The following BNC2 variants were observed in gnomAD, a reference collection of about 807,000 sequenced individuals.
BNC2 encodes the protein zinc finger protein basonuclin-2.
BNC2 carries 20 observed loss-of-function variants against 76.3 expected under a neutral mutation model. The observed-to-expected ratio is 0.26, with a 90% CI of 0.18 to 0.38. BNC2 has a LOEUF of 0.38. Ranked by LOEUF, BNC2 falls within the 10% of genes least tolerant of loss-of-function variation. The probability of loss-of-function intolerance (pLI) is 1.00; values close to 1 mark genes in which losing one functional copy is unlikely to be tolerated. For missense variants in BNC2, 1,382 were observed against 1,399.8 expected, an observed-to-expected ratio of 0.99 and a Z score of 0.20; for synonymous variants, 582 against 514.8, an observed-to-expected ratio of 1.13 and a Z score of -1.77.
chr9:16,560,569 G>A (rs1203369814), intron 4 of BNC2, among the ~76,000 whole-genome samples: 4 of 151,770 alleles, frequency 2.6e-5, no homozygotes, highest in East Asian at 1.9e-4. Context: ...AAAAATTAAC[G>A]AGCCAGGCAA....
At chr9:16,774,161 T>C (rs895253568) in intron 1 of BNC2, among the ~76,000 whole-genome samples, 5 of 152,128 alleles carry the variant, frequency 3.3e-5, no homozygotes. Flanking sequence ...TTTTTATTTT[T>C]AGTAGAGACA....
chr9:16,657,820 A>C (rs1208208188), intron 3 of BNC2, among the ~76,000 whole-genome samples: 3 of 152,206 alleles, frequency 2.0e-5, no homozygotes, highest in Non-Finnish European at 4.4e-5. Context: ...TATATATCAT[A>C]CTATGATGTC....
chr9:16,676,704 T>C (rs1822653771), intron 3 of BNC2, among the ~76,000 whole-genome samples: 1 of 152,198 alleles, frequency 6.6e-6, no homozygotes, highest in African/African-American at 2.4e-5. Flanking sequence ...CCTAAGCAGA[T>C]GCTAAGTTAA....
At chr9:16,651,209 T>C (rs2133949169) in intron 3 of BNC2, among the ~76,000 whole-genome samples, 1 of 152,334 alleles carries the variant, frequency 6.6e-6, no homozygotes, top group South Asian at 2.1e-4. Flanking sequence ...TATCTACCTG[T>C]TCCTTTTCCA....
At chr9:16,501,623 A>G (rs1256116082) in intron 5 of BNC2, among the ~76,000 whole-genome samples, 1 of 152,202 alleles carries the variant, frequency 6.6e-6, no homozygotes, top group East Asian at 1.9e-4. Context: ...TGCATAACAT[A>G]GAGTATTTCT....
intron 3 of BNC2, among the ~76,000 whole-genome samples, chr9:16,593,531 CGT>C (rs60449137): frequency 1.7e-4 from 26 of 150,826 alleles, no homozygotes; most frequent in Admixed American, 3.3e-4. Context: ...CTTTGGAGTG[CGT>C]GTGTGTGTGT....
chr9:16,576,256 AGTT>A lies in BNC2; in HGVS notation c.433+6724_433+6726del, dbSNP rs1563847002. Among the ~76,000 whole-genome samples the A allele has an allele frequency of 2.0e-5, 3 of 152,346 alleles. No individual in the cohort carries two copies. The South Asian group carries it at 6.2e-4, about 32-fold the overall frequency. On this transcript the variant is annotated intron_variant, in intron 4 of 6. Transcript: ENST00000380672. ...TATCTCCCTTTGTCAGACGAAACTT[AGTT>A]GTTTTTTAGTCTCCTCTCTTTATCT...
At chr9:16,668,871 G>A (rs529770357) in intron 3 of BNC2, among the ~76,000 whole-genome samples, 13 of 152,246 alleles carry the variant, frequency 8.5e-5, no homozygotes, top group South Asian at 6.2e-4. Flanking sequence ...TTCAGAGCAC[G>A]TCTCTCCCAG....
intron 3 of BNC2, among the ~76,000 whole-genome samples, chr9:16,669,139 G>T (rs991558743): frequency 3.3e-5 from 5 of 152,150 alleles, no homozygotes; most frequent in African/African-American, 4.8e-5. Flanking sequence ...ACATATTTTG[G>T]TTATAATGTA....
In BNC2 at chr9:16,843,423, C is replaced by T. The variant is rs141960084; in HGVS notation, c.3+27223G>A. On this transcript the variant is annotated intron_variant, in intron 1 of 6. Transcript: ENST00000380672. ...TCAGCTTACTGCAAGCTCCGCCTCC[C>T]GGGCTCAAGCCTCAGCCTCCACTGC... Among the ~76,000 whole-genome samples, 112 of 152,356 alleles carry T rather than the reference C, an allele frequency of 7.4e-4. 1 individual carries two copies. The highest frequency in any genetic ancestry group is 2.1e-3 in the African/African-American group (89 of 41,594).
intron 3 of BNC2, among the ~76,000 whole-genome samples, chr9:16,693,895 T>C (rs1012289713): frequency 2.6e-5 from 4 of 152,220 alleles, no homozygotes; most frequent in Non-Finnish European, 5.9e-5. Context: ...CACTTTAAAA[T>C]GATCCAGGTC....
rs1262378732 is a variant in BNC2, at chr9:16,418,469, G to A, written c.*520C>T. On this transcript the variant is annotated 3_prime_UTR_variant, in exon 7 of 7. Transcript: ENST00000380672. Reference sequence around the variant, plus strand: ...GCCCCTCAAGGCTAAATATTTACAGGTGAATCTGCCATGCTTTAATTGAAG... The same window carrying A: ...GCCCCTCAAGGCTAAATATTTACAGATGAATCTGCCATGCTTTAATTGAAG... 6.5e-6 allele frequency: 1 copy of A among 154,034 alleles called. No individual in the cohort carries two copies. The highest frequency in any genetic ancestry group is 6.5e-5 in the Admixed American group (1 of 15,474). 9.5% of individuals were successfully genotyped at this position (154,034 alleles called of 1,614,324 possible).
chr9:16,785,381 A>T (rs552513424), intron 1 of BNC2, among the ~76,000 whole-genome samples: 1 of 152,160 alleles, frequency 6.6e-6, no homozygotes, highest in East Asian at 1.9e-4. Context: ...AAGGTGATGG[A>T]AATTCTTGCT....
Position 16,822,152 on chromosome 9 carries a change from T to C in BNC2, c.3+48494A>G, listed in dbSNP as rs1313126933. Among the ~76,000 whole-genome samples, 6 of 144,036 alleles carry C rather than the reference T, an allele frequency of 4.2e-5. No homozygotes were observed. The South Asian group carries it at 1.2e-3, about 29-fold the overall frequency. The allele number at this position is 144,036 out of a possible 152,430, so 94.5% of individuals were successfully genotyped here. A position where few individuals can be genotyped will look rare whatever the true frequency, so the allele number is the denominator to read the frequency against. ...GTAGTGACATGCCCGTAATCCCAGC[T>C]ACTCAGGAAGCTGAGGCAGGAGAAT... is the stretch of plus-strand genomic sequence containing the variant. On this transcript the variant is annotated intron_variant, in intron 1 of 6. Coordinates refer to ENST00000380672, the MANE Select transcript of BNC2 (RefSeq NM_017637.6).
chr9:16,591,023 T>C (rs1216105308), intron 3 of BNC2, among the ~76,000 whole-genome samples: 1 of 152,192 alleles, frequency 6.6e-6, no homozygotes, highest in African/African-American at 2.4e-5. Context: ...GTGTATGATA[T>C]GCTAAGACAG....
In BNC2 at chr9:16,780,302, G is replaced by A. The variant is rs181589981; in HGVS notation, c.4-41817C>T. ...TAATAAAAACATCTTGGCTGGGCTC[G>A]GTGGCTCACGCCTGTAATCCCAGCA... is the stretch of plus-strand genomic sequence containing the variant. On this transcript the variant is annotated intron_variant, in intron 1 of 6. Coordinates refer to ENST00000380672, the MANE Select transcript of BNC2 (RefSeq NM_017637.6). Among the ~76,000 whole-genome samples the A allele has an allele frequency of 5.2e-3, 781 of 149,530 alleles. 8 individuals carry two copies. Among genetic ancestry groups the A allele is most frequent in the Non-Finnish European group, 8.0e-3 (539 of 67,664 alleles).
At chr9:16,448,599 G>T (rs1587039001) in intron 5 of BNC2, among the ~76,000 whole-genome samples, 1 of 152,144 alleles carries the variant, frequency 6.6e-6, no homozygotes, top group African/African-American at 2.4e-5. Context: ...GGAGCAGGGC[G>T]AGAAAGGGAT....
intron 4 of BNC2, among the ~76,000 whole-genome samples, chr9:16,568,892 G>A (rs776446305): frequency 6.6e-6 from 1 of 152,014 alleles, no homozygotes; most frequent in Non-Finnish European, 1.5e-5. Context: ...TATGTAACTG[G>A]GAGCAAGTTA....
At chr9:16,770,675 G>T (rs1267001370) in intron 1 of BNC2, among the ~76,000 whole-genome samples, 4 of 151,432 alleles carry the variant, frequency 2.6e-5, no homozygotes, top group Admixed American at 1.3e-4. Context: ...TTCCAGCATG[G>T]GCAACATGGT....
Sources: allele counts gnomAD v4.1 joint callset (sites outside exome capture counted in the v4.1 genomes callset), GRCh38; gene constraint gnomAD v4.1.1; transcripts MANE v1.5; gene names NCBI Gene and HGNC (gene_info 2026-07-23, HGNC 2026-07-21).